TXNL1: variants seen among roughly 807,000 people sequenced by gnomAD.
The protein encoded by TXNL1 is thioredoxin-like protein 1.
Under a neutral mutation model 35.5 loss-of-function variants are expected in TXNL1, and 14 were observed. The ratio of observed to expected loss-of-function variants is 0.39; its 90% CI spans 0.26 to 0.62. TXNL1 has a LOEUF of 0.62. Among genes scored for constraint, TXNL1 ranks in the 20% least tolerant of loss-of-function variants. The pLI is 0.47. For synonymous variants in TXNL1, 110 were observed against 115.5 expected (o/e 0.95, Z 0.31); for missense variants, 263 against 349.7 (o/e 0.75, Z 1.98).
intron 2 of TXNL1, among the ~76,000 whole-genome samples, chr18:56,624,822 G>T (rs1475450251): frequency 6.6e-6 from 1 of 152,102 alleles, no homozygotes; most frequent in Non-Finnish European, 1.5e-5. Context: ...TATTGATAAA[G>T]TCAACACAAA....
At chr18:56,626,797 C>CTTTTTTTTGTTTTTTTTTTTTTTTTTTT (rs2024289751) in intron 1 of TXNL1, among the ~76,000 whole-genome samples, 1 of 55,000 alleles carries the variant, frequency 1.8e-5, no homozygotes, top group African/African-American at 6.8e-5. Context: ...CCAAGCCGGT[C>CTTTTTTTTGTTTTTTTTTTTTTTTTTTT]TTTTTTTTTT....
intron 7 of TXNL1, 123 bp downstream of exon 7, chr18:56,610,869 AT>A (rs1321583278): frequency 3.2e-6 from 2 of 623,714 alleles, no homozygotes; most frequent in Non-Finnish European, 5.2e-6. Flanking sequence ...GCCTTGTAAA[AT>A]TTCATGACAT....
intron 5 of TXNL1, among the ~76,000 whole-genome samples, chr18:56,615,133 A>G (rs1297763215): frequency 6.6e-6 from 1 of 152,162 alleles, no homozygotes; most frequent in African/African-American, 2.4e-5. Context: ...TTAGATTAGG[A>G]TGTGATAAGT....
At chr18:56,633,760 C>A (rs1598925799) in intron 1 of TXNL1, among the ~76,000 whole-genome samples, 1 of 151,602 alleles carries the variant, frequency 6.6e-6, no homozygotes, top group Admixed American at 6.6e-5. Flanking sequence ...CCGAGGCGGG[C>A]AGATCACGAG....
chr18:56,632,999 G>A (rs2024398589), intron 1 of TXNL1, among the ~76,000 whole-genome samples: 1 of 152,110 alleles, frequency 6.6e-6, no homozygotes, highest in African/African-American at 2.4e-5. Flanking sequence ...ATTTGGACAA[G>A]CTATTGTAAC....
chr18:56,621,413 T>C (rs628581), intron 3 of TXNL1, among the ~76,000 whole-genome samples: 14,761 of 151,930 alleles, frequency 0.097, 863 homozygotes, highest in Non-Finnish European at 0.13. Flanking sequence ...AGGCTGGTCT[T>C]GAACTCCTGA....
At chr18:56,616,379 A>G (rs2024087039) in intron 4 of TXNL1, 65 bp from the exon 5 acceptor site, 4 of 1,396,696 alleles carry the variant, frequency 2.9e-6, no homozygotes, top group African/African-American at 2.9e-5. Context: ...AAACTACTGA[A>G]GCAGAATGAA....
chr18:56,618,303 T>C (rs1288113190), intron 3 of TXNL1, among the ~76,000 whole-genome samples, 177 bp from the exon 4 acceptor site: 1 of 152,226 alleles, frequency 6.6e-6, no homozygotes, highest in Non-Finnish European at 1.5e-5. Flanking sequence ...TACCATCAAT[T>C]ATTAAAGCCA....
intron 3 of TXNL1, among the ~76,000 whole-genome samples, chr18:56,622,461 A>G (rs1365514901): frequency 6.6e-6 from 1 of 152,230 alleles, no homozygotes; most frequent in Non-Finnish European, 1.5e-5. Flanking sequence ...TCATCGTTAT[A>G]TAAGATTACC....
chr18:56,609,073 A>C (rs2023949475), intron 7 of TXNL1: 1 of 152,294 alleles, frequency 6.6e-6, no homozygotes, highest in East Asian at 1.9e-4. Flanking sequence ...ATTATTTACA[A>C]ATATTTTTTA....
In TXNL1 at chr18:56,612,669, G is replaced by A. The variant is rs1310843977; in HGVS notation, c.736-1572C>T. The stretch of plus-strand genomic sequence containing the variant: ...GACTACCAGCGTACTCCCATGACCA[G>A]TTAAAAACTGCCTCTCGTGATTTAA... On this transcript the variant is annotated intron_variant, in intron 6 of 7. Transcript: ENST00000217515. Among the ~76,000 whole-genome samples the A allele has an allele frequency of 2.0e-5, 3 of 152,078 alleles. No individual in the cohort carries two copies. The East Asian group carries it at 5.8e-4, about 29-fold the overall frequency.
chr18:56,614,356 C>T, intron 6 of TXNL1, 68 bp downstream of exon 6: 2 of 1,400,238 alleles, frequency 1.4e-6, no homozygotes, highest in South Asian at 2.7e-5. Flanking sequence ...TTAGACTTAC[C>T]TAGGATACTG....
At chr18:56,638,016 G>A (rs2144348369) in intron 1 of TXNL1, among the ~76,000 whole-genome samples, 1 of 152,322 alleles carries the variant, frequency 6.6e-6, no homozygotes, top group South Asian at 2.1e-4. Context: ...CTCAGGCAAG[G>A]GTGGCTGCGG....
Position 56,598,097 on chromosome 18 carries a change from C to A in TXNL1, c.*4930G>T, listed in dbSNP as rs2023765662. On this transcript the variant is annotated 3_prime_UTR_variant, in exon 8 of 8. Transcript: ENST00000217515. ...TCCCACTCTATGAACACACTATGCA[C>A]TTTTCCTTTACTTCAGCTAAATTAT... The A allele has an allele frequency of 6.6e-6, 1 of 152,204 alleles. No individual in the cohort carries two copies. The highest frequency in any genetic ancestry group is 6.5e-5 in the Admixed American group (1 of 15,278). The allele number at this position is 152,204 out of a possible 1,614,324, so 9.4% of individuals were successfully genotyped here.
At chr18:56,603,584 C>T (rs1598909352) in intron 7 of TXNL1, among the ~76,000 whole-genome samples, 1 of 151,820 alleles carries the variant, frequency 6.6e-6, no homozygotes, top group African/African-American at 2.4e-5. Flanking sequence ...TTTAAGAGTA[C>T]TATTAAAAAT....
At chr18:56,623,535 T>C (rs2024226235) in intron 3 of TXNL1, among the ~76,000 whole-genome samples, 2 of 152,252 alleles carry the variant, frequency 1.3e-5, no homozygotes, top group Middle Eastern at 3.4e-3. Context: ...TTAAAAACTA[T>C]ATATATCTCT....
chr18:56,609,818 T>C (rs1173964604), intron 7 of TXNL1: 1 of 152,204 alleles, frequency 6.6e-6, no homozygotes, highest in Non-Finnish European at 1.5e-5. Context: ...GTGAAACATC[T>C]AGACATAACA....
chr18:56,604,443 C>A (rs534969239), intron 7 of TXNL1: 16 of 152,318 alleles, frequency 1.1e-4, no homozygotes, highest in African/African-American at 3.6e-4. Context: ...TACTGTTTCA[C>A]AGGTTGATAA....
rs945679726 is a variant in TXNL1 at position 56,599,927 on chromosome 18, AAG to A, written c.*3098_*3099del. 3.1e-4 allele frequency: 47 copies of A among 152,224 alleles called. No individual in the cohort carries two copies. Among genetic ancestry groups the A allele is most frequent in the African/African-American group, 1.1e-3 (46 of 41,456 alleles). The allele number at this position is 152,224 out of a possible 1,614,324, so 9.4% of individuals were successfully genotyped here. A position where few individuals can be genotyped will look rare whatever the true frequency, so the allele number is the denominator to read the frequency against. On this transcript the variant is annotated 3_prime_UTR_variant, in exon 8 of 8. Transcript: ENST00000217515. ...TAAGATTACAAATTATCAGTTCCAG[AAG>A]AGATATACCTAACACAAAAATTAAC...
Sources: gnomAD v4.1 joint callset for allele counts (sites outside exome capture counted in the v4.1 genomes callset) on GRCh38, gnomAD v4.1.1 for gene constraint, MANE v1.5 for transcripts, NCBI Gene and HGNC (gene_info 2026-07-23, HGNC 2026-07-21) for gene names.